The following EPM2A variants were observed in gnomAD, a reference collection of about 807,000 sequenced individuals.
The protein encoded by EPM2A is laforin.
In EPM2A, 21 loss-of-function variants were observed where a neutral mutation model predicts 26.5. The observed-to-expected ratio is 0.79, with a 90% CI of 0.56 to 1.14. The LOEUF (loss-of-function observed/expected upper bound fraction) is 1.14. Among genes scored for constraint, EPM2A ranks in the 50% most tolerant of loss-of-function variants. The probability of loss-of-function intolerance (pLI) is 0.00; values close to 1 mark genes in which losing one functional copy is unlikely to be tolerated. For missense variants in EPM2A, 458 were observed against 440.8 expected, an observed-to-expected ratio of 1.04 and a Z score of -0.35; for synonymous variants, 217 against 177.6, an observed-to-expected ratio of 1.22 and a Z score of -1.76.
At chr6:145,408,368 A>G (rs554525819) in intron 4 of EPM2A, among the ~76,000 whole-genome samples, 6 of 152,260 alleles carry the variant, frequency 3.9e-5, no homozygotes, top group East Asian at 1.9e-4. Flanking sequence ...GGAGAGAAAG[A>G]TGTACAAGAA....
intron 4 of EPM2A, among the ~76,000 whole-genome samples, chr6:145,460,674 G>T (rs1779318818): frequency 6.6e-6 from 1 of 152,074 alleles, no homozygotes; most frequent in African/African-American, 2.4e-5. Flanking sequence ...GTGGGCAGGT[G>T]AGCATCAGTG....
At chr6:145,409,223 T>G (rs1778610643) in intron 4 of EPM2A, among the ~76,000 whole-genome samples, 1 of 152,124 alleles carries the variant, frequency 6.6e-6, no homozygotes, top group South Asian at 2.1e-4. Context: ...TATGGTTTAT[T>G]AAGTCCTTTC....
intron 4 of EPM2A, among the ~76,000 whole-genome samples, chr6:145,418,504 A>AGT (rs1310920700): frequency 1.3e-5 from 2 of 152,174 alleles, no homozygotes; most frequent in Non-Finnish European, 2.9e-5. Context: ...ACTGTTTGTC[A>AGT]CAGAGGAAGC....
chr6:145,496,477 T>C (rs1779821952), intron 4 of EPM2A, among the ~76,000 whole-genome samples: 1 of 152,206 alleles, frequency 6.6e-6, no homozygotes, highest in Non-Finnish European at 1.5e-5. Flanking sequence ...CAGTTGTAGA[T>C]TAAGTCTCTA....
In EPM2A at chr6:145,432,325, C is replaced by T. The variant is rs574467402; in HGVS notation, c.556-48228G>A. Among the ~76,000 whole-genome samples, 5 of 152,296 alleles carry T rather than the reference C, an allele frequency of 3.3e-5. No homozygotes were observed. In the South Asian group the frequency reaches 6.2e-4, roughly 19 times the overall value. Reference sequence around the variant, plus strand: ...TACTCACTATCTATGGCAGCTATCACCTTATAAATGTATTTCTTAAAGAAT... The same window carrying T: ...TACTCACTATCTATGGCAGCTATCATCTTATAAATGTATTTCTTAAAGAAT... On this transcript the variant is annotated intron_variant, in intron 4 of 4. Coordinates refer to the EPM2A transcript ENST00000638717.
intron 4 of EPM2A, among the ~76,000 whole-genome samples, chr6:145,402,739 G>T (rs1313787041): frequency 2.0e-5 from 3 of 152,116 alleles, no homozygotes; most frequent in African/African-American, 7.2e-5. Context: ...GTCTACCTGG[G>T]TGAATTCTTT....
chr6:145,713,494 T>C (rs995853670), intron 1 of EPM2A, among the ~76,000 whole-genome samples: 1 of 152,186 alleles, frequency 6.6e-6, no homozygotes, highest in Non-Finnish European at 1.5e-5. Context: ...CCTGAAAAGA[T>C]ACTCAACATC....
chr6:145,526,897 AT>A (rs1358018707), intron 2 of EPM2A, among the ~76,000 whole-genome samples: 1 of 151,690 alleles, frequency 6.6e-6, no homozygotes, highest in Non-Finnish European at 1.5e-5. Context: ...AGATATTTCT[AT>A]TGCTTTTTGA....
At chr6:145,594,947 C>T (rs565453245) in intron 2 of EPM2A, among the ~76,000 whole-genome samples, 11 of 151,454 alleles carry the variant, frequency 7.3e-5, no homozygotes, top group Middle Eastern at 3.4e-3. Context: ...TCTTTTCACC[C>T]TTTTTTGATG....
chr6:145,671,150 A>G, intron 2 of EPM2A: 1 of 1,003,298 alleles, frequency 1.0e-6, no homozygotes, highest in Non-Finnish European at 1.2e-6. Flanking sequence ...TGTTTACTCC[A>G]AAAAAGATTC....
At chr6:145,390,724 T>A (rs1248992248) in intron 4 of EPM2A, among the ~76,000 whole-genome samples, 1 of 152,170 alleles carries the variant, frequency 6.6e-6, no homozygotes, top group Non-Finnish European at 1.5e-5. Context: ...GTAAAAGATG[T>A]ACATATGCAT....
chr6:145,578,913 C>T (rs146932659), intron 2 of EPM2A, among the ~76,000 whole-genome samples: 7 of 151,968 alleles, frequency 4.6e-5, no homozygotes, highest in Non-Finnish European at 7.4e-5. Context: ...TCATATCCTT[C>T]GCCCACATGT....
chr6:145,491,110 A>G, intron 4 of EPM2A: 1 of 612,584 alleles, frequency 1.6e-6, no homozygotes, highest in East Asian at 4.4e-5. Context: ...TTATTTGGCC[A>G]CCTTTTTTCT....
At chr6:145,464,516 A>ATTT (rs1039013516) in intron 4 of EPM2A, among the ~76,000 whole-genome samples, 3 of 152,050 alleles carry the variant, frequency 2.0e-5, no homozygotes, top group Admixed American at 1.3e-4. Flanking sequence ...AAAATGTATC[A>ATTT]TTTTCTTTTC....
chr6:145,715,325 C>T (rs1322978041), intron 1 of EPM2A, among the ~76,000 whole-genome samples: 1 of 152,072 alleles, frequency 6.6e-6, no homozygotes, highest in African/African-American at 2.4e-5. Flanking sequence ...ACCATATAGA[C>T]ATGCCAAAGA....
chr6:145,722,537 C>A (rs903796406), intron 1 of EPM2A, among the ~76,000 whole-genome samples: 2 of 152,052 alleles, frequency 1.3e-5, no homozygotes, highest in South Asian at 2.1e-4. Flanking sequence ...CCATGTCCTG[C>A]CTAGTAGAGG....
intron 1 of EPM2A, among the ~76,000 whole-genome samples, chr6:145,701,631 T>C (rs942090265): frequency 6.6e-6 from 1 of 152,202 alleles, no homozygotes; most frequent in African/African-American, 2.4e-5. Context: ...CAATGATTCA[T>C]TCCATTGCTA....
At chr6:145,706,882 C>G (rs929083551) in intron 1 of EPM2A, among the ~76,000 whole-genome samples, 4 of 152,124 alleles carry the variant, frequency 2.6e-5, no homozygotes, top group Admixed American at 1.3e-4. Flanking sequence ...AATCCCCAAT[C>G]CAATGATATT....
chr6:145,735,082 A>C, intron 1 of EPM2A, 116 bp downstream of exon 1: 1 of 648,008 alleles, frequency 1.5e-6, no homozygotes, highest in Non-Finnish European at 2.3e-6. Context: ...CGCGGGCAAA[A>C]AGCCCGGGAC....
Sources: allele counts gnomAD v4.1 joint callset (sites outside exome capture counted in the v4.1 genomes callset), GRCh38; gene constraint gnomAD v4.1.1; transcripts MANE v1.5; gene names NCBI Gene and HGNC (gene_info 2026-07-23, HGNC 2026-07-21).